The following FCF1 variants were observed in gnomAD, a reference collection of about 807,000 sequenced individuals.
FCF1 encodes rRNA-processing protein FCF1 homolog.
In FCF1, 17 loss-of-function variants were observed where a neutral mutation model predicts 32.5. That is an observed-to-expected ratio of 0.52 (90% CI 0.36 to 0.78). FCF1 has a LOEUF of 0.78. Among genes scored for constraint, FCF1 ranks in the 30% least tolerant of loss-of-function variants. The probability of loss-of-function intolerance (pLI) is 0.00; values close to 1 mark genes in which losing one functional copy is unlikely to be tolerated. For missense variants in FCF1, 201 were observed against 241.1 expected (o/e 0.83, Z 1.10); for synonymous variants, 84 against 78.4 (o/e 1.07, Z -0.38).
intron 4 of FCF1, among the ~76,000 whole-genome samples, chr14:74,720,057 G>A (rs926883860): frequency 8.5e-5 from 13 of 152,068 alleles, no homozygotes; most frequent in African/African-American, 2.7e-4. Flanking sequence ...CAGGAAAATC[G>A]CTTGAACCCC....
In FCF1 at chr14:74,734,210, A is replaced by G. The variant is rs2090675883; in HGVS notation, c.548+40A>G. On this transcript the variant is annotated intron_variant, in intron 7 of 7. Coordinates refer to ENST00000341162, the MANE Select transcript of FCF1 (RefSeq NM_015962.5). ...TTGGAGAAGGGAATAGAAATATATA[A>G]TTGATATCAATTGAAAATGAGGATA... 4.5e-6 allele frequency: 5 copies of G among 1,115,164 alleles called. No homozygotes were observed. In the African/African-American group the frequency reaches 7.7e-5, roughly 17 times the overall value. 69.1% of individuals were successfully genotyped at this position (1,115,164 alleles called of 1,614,324 possible). A position where few individuals can be genotyped will look rare whatever the true frequency, so the allele number is the denominator to read the frequency against.
chr14:74,714,908 A>G lies in FCF1; in HGVS notation c.108A>G (p.Glu36=). The G allele has an allele frequency of 1.3e-6, 2 of 1,596,990 alleles. No homozygotes were observed. Among genetic ancestry groups the G allele is most frequent in the Non-Finnish European group, 1.7e-6 (2 of 1,174,234 alleles). ...ATAGATTAAAACCTAAAAAGAAAGAAAAGAAGGATCCCAGCGCATTAAAGG... is the reference window on the plus strand; with the variant it reads ...ATAGATTAAAACCTAAAAAGAAAGAGAAGAAGGATCCCAGCGCATTAAAGG... ...EKDRLKPKKK[E]KKDPSALKER... is the part of the protein sequence containing the mutation. The change falls in exon 3 of 8, where the codon GAA becomes GAG. Residue 36 remains glutamate (E), a synonymous_variant. Coordinates refer to ENST00000341162, the MANE Select transcript of FCF1 (RefSeq NM_015962.5).
chr14:74,722,482 C>T (rs2090517722), intron 4 of FCF1, among the ~76,000 whole-genome samples: 1 of 152,152 alleles, frequency 6.6e-6, no homozygotes, highest in South Asian at 2.1e-4. Context: ...CTTTGTGTCT[C>T]AGGTTCCTCA....
At position 74,735,145 on chromosome 14, in the gene FCF1, C is replaced by CG; in HGVS notation, c.*216dup. 3.7e-6 allele frequency: 1 copy of CG among 273,882 alleles called. No homozygotes were observed. The highest frequency in any genetic ancestry group is 7.1e-6 in the Non-Finnish European group (1 of 140,606). 17.0% of individuals were successfully genotyped at this position (273,882 alleles called of 1,614,324 possible). A position where few individuals can be genotyped will look rare whatever the true frequency, so the allele number is the denominator to read the frequency against. ...TTACCTTTTAAGCATTTTGTGGGGCCGCGGGGGTTGGGGGGAATCTGTGCA... is the reference window on the plus strand; with the variant it reads ...TTACCTTTTAAGCATTTTGTGGGGCCGGCGGGGGTTGGGGGGAATCTGTGCA... On this transcript the variant is annotated 3_prime_UTR_variant, in exon 8 of 8. Coordinates refer to ENST00000341162, the MANE Select transcript of FCF1 (RefSeq NM_015962.5).
Position 74,735,105 on chromosome 14 carries a change from C to T in FCF1, c.*175C>T. 1 of 555,102 alleles carries T rather than the reference C, an allele frequency of 1.8e-6. No individual in the cohort carries two copies. The highest frequency in any genetic ancestry group is 3.2e-6 in the Non-Finnish European group (1 of 311,042). The allele number at this position is 555,102 out of a possible 1,614,324, so 34.4% of individuals were successfully genotyped here. Reference sequence around the variant, plus strand: ...AGATTAACATCCAAAGGACTGAACCCTGAACAGAGTTAAGTTACCTTTTAA... The same window carrying T: ...AGATTAACATCCAAAGGACTGAACCTTGAACAGAGTTAAGTTACCTTTTAA... On this transcript the variant is annotated 3_prime_UTR_variant, in exon 8 of 8. Transcript: ENST00000341162.
At chr14:74,722,051 T>TC (rs1211875410) in intron 4 of FCF1, among the ~76,000 whole-genome samples, 3 of 148,568 alleles carry the variant, frequency 2.0e-5, no homozygotes, top group South Asian at 2.1e-4. Context: ...TATTTTCTTT[T>TC]TTTTTTTTTT....
intron 5 of FCF1, among the ~76,000 whole-genome samples, chr14:74,726,237 G>A (rs1041919871): frequency 5.3e-5 from 8 of 151,732 alleles, no homozygotes; most frequent in Non-Finnish European, 7.4e-5. Context: ...TGTAATCCCA[G>A]CAGTATTGGG....
chr14:74,722,808 T>G (rs571927350), intron 4 of FCF1, among the ~76,000 whole-genome samples: 1 of 151,448 alleles, frequency 6.6e-6, no homozygotes, highest in Non-Finnish European at 1.5e-5. Flanking sequence ...CTGGGCATAG[T>G]GGTGCGTACC....
At chr14:74,730,965 T>G (rs1477769114) in intron 5 of FCF1, among the ~76,000 whole-genome samples, 1 of 151,800 alleles carries the variant, frequency 6.6e-6, no homozygotes, top group African/African-American at 2.4e-5. Context: ...GCCAATGCAC[T>G]CCAGTCTGGG....
intron 5 of FCF1, among the ~76,000 whole-genome samples, chr14:74,729,166 C>T (rs2090605174): frequency 6.6e-6 from 1 of 152,120 alleles, no homozygotes; most frequent in Non-Finnish European, 1.5e-5. Context: ...GGAATAGTTT[C>T]AGAAGGAATG....
At chr14:74,722,513 AT>A (rs537278819) in intron 4 of FCF1, among the ~76,000 whole-genome samples, 2 of 151,822 alleles carry the variant, frequency 1.3e-5, no homozygotes, top group African/African-American at 2.4e-5. Flanking sequence ...AGGGATGATG[AT>A]TTTTTTTTAA....
chr14:74,727,925 G>C (rs201125104), intron 5 of FCF1, among the ~76,000 whole-genome samples: 19 of 152,094 alleles, frequency 1.2e-4, no homozygotes, highest in Non-Finnish European at 8.8e-5. Flanking sequence ...GATATGCGGC[G>C]TTATTTCTGA....
chr14:74,721,999 C>T (rs922463542), intron 4 of FCF1, among the ~76,000 whole-genome samples: 1 of 150,386 alleles, frequency 6.6e-6, no homozygotes. Flanking sequence ...ATGTATATAC[C>T]TACAAACTTA....
intron 4 of FCF1, among the ~76,000 whole-genome samples, chr14:74,719,307 A>G (rs7147721): frequency 0.34 from 49,360 of 143,968 alleles, 10,348 homozygotes; most frequent in East Asian, 0.49. Context: ...AAAAAAAAAA[A>G]AAGAAGAAGA....
chr14:74,726,244 T>C (rs2090576607), intron 5 of FCF1, among the ~76,000 whole-genome samples: 1 of 151,458 alleles, frequency 6.6e-6, no homozygotes, highest in African/African-American at 2.4e-5. Context: ...CCAGCAGTAT[T>C]GGGAGCCCGA....
At chr14:74,722,998 A>G (rs1241536634) in intron 4 of FCF1, among the ~76,000 whole-genome samples, 1 of 152,130 alleles carries the variant, frequency 6.6e-6, no homozygotes, top group Non-Finnish European at 1.5e-5. Flanking sequence ...TTTTCCCATC[A>G]GGAACTTACA....
At chr14:74,729,656 GT>G (rs2090610109) in intron 5 of FCF1, among the ~76,000 whole-genome samples, 2 of 152,046 alleles carry the variant, frequency 1.3e-5, no homozygotes, top group African/African-American at 4.8e-5. Flanking sequence ...TTTTGAATGC[GT>G]TTGCTCTTGT....
In FCF1 at chr14:74,718,928, G is replaced by A. The variant is rs183474709; in HGVS notation, c.292+2829G>A. Among the ~76,000 whole-genome samples the A allele has an allele frequency of 2.1e-3, 325 of 151,848 alleles. 2 individuals carry two copies. The highest frequency in any genetic ancestry group is 7.2e-3 in the African/African-American group (300 of 41,398). On this transcript the variant is annotated intron_variant, in intron 4 of 7. Transcript: ENST00000341162. Reference sequence around the variant, plus strand: ...TAATCCTAGTGCTTTTCAGGAGTTCGAGATCAGCCCGGCCAACATGGTGAA... The same window carrying A: ...TAATCCTAGTGCTTTTCAGGAGTTCAAGATCAGCCCGGCCAACATGGTGAA...
rs2090579566 is a variant in FCF1, at chr14:74,726,492, G to C, written c.365+3148G>C. Among the ~76,000 whole-genome samples, 3 of 151,778 alleles carry C rather than the reference G, an allele frequency of 2.0e-5. No individual in the cohort carries two copies. The South Asian group carries it at 6.2e-4, about 32-fold the overall frequency. ...CTCAAAAAAAAAGAAAAAGAACAAT[G>C]CTGAGCACTGTTAACGCACATCTGT... On this transcript the variant is annotated intron_variant, in intron 5 of 7. Transcript: ENST00000341162.
Sources: gnomAD v4.1 joint callset for allele counts (sites outside exome capture counted in the v4.1 genomes callset) on GRCh38, gnomAD v4.1.1 for gene constraint, MANE v1.5 for transcripts, NCBI Gene and HGNC (gene_info 2026-07-23, HGNC 2026-07-21) for gene names.